MOCOS: variants seen among roughly 807,000 people sequenced by gnomAD.
The protein encoded by MOCOS is human molybdenum cofactor sulfurase.
Under a neutral mutation model 83.6 loss-of-function variants are expected in MOCOS, and 86 were observed. The ratio of observed to expected loss-of-function variants is 1.03; its 90% confidence interval spans 0.86 to 1.23. The LOEUF is 1.23. MOCOS is among the 50% of genes most tolerant of loss of function. The pLI, the probability that MOCOS is intolerant of heterozygous loss-of-function variation, is 0.00. For synonymous variants in MOCOS, 445 were observed against 434.7 expected (o/e 1.02, Z -0.29); for missense variants, 1,120 against 1,126.9 (o/e 0.99, Z 0.09).
Position 36,268,703 on chromosome 18 carries a change from A to C in MOCOS, c.*18A>C, listed in dbSNP as rs56092202. 1 of 445,746 alleles carries C rather than the reference A, an allele frequency of 2.2e-6. No homozygotes were observed. Among genetic ancestry groups the C allele is most frequent in the Non-Finnish European group, 3.7e-6 (1 of 273,506 alleles). The allele number at this position is 445,746 out of a possible 1,614,324, so 27.6% of individuals were successfully genotyped here. A position where few individuals can be genotyped will look rare whatever the true frequency, so the allele number is the denominator to read the frequency against. On this transcript the variant is annotated 3_prime_UTR_variant, in exon 15 of 15. Transcript: ENST00000261326. The stretch of plus-strand genomic sequence containing the variant: ...CCTCCTAAAAAAAATTTTTAGCATA[A>C]AGTTTCTCTTTTACAGTGATCTCTA...
At position 36,204,632 on chromosome 18, in the gene MOCOS, A is replaced by G. The variant is rs574586424; in HGVS notation, c.1019-445A>G. 2.0e-5 allele frequency among the ~76,000 whole-genome samples: 3 copies of G among 152,302 alleles called. No individual in the cohort carries two copies. In the East Asian group the frequency reaches 5.8e-4, roughly 29 times the overall value. On this transcript the variant is annotated intron_variant, in intron 5 of 14. Transcript: ENST00000261326. ...ACAAGGGCAGTACCATCCACTATTT[A>G]CACACATTTAAAATTATTAATGTGA...
In MOCOS at chr18:36,194,055, A is replaced by G. The variant is rs76539119; in HGVS notation, c.143-1202A>G. Among the ~76,000 whole-genome samples, 1,213 of 152,370 alleles carry G rather than the reference A, an allele frequency of 8.0e-3. 8 individuals are homozygous for G. Among genetic ancestry groups the G allele is most frequent in the Non-Finnish European group, 0.012 (817 of 68,030 alleles). ...TCAGACACTAAAGGCCACATATTGT[A>G]TGGTTCCTTTTACATGAAATGTTCA... is the stretch of plus-strand genomic sequence containing the variant. On this transcript the variant is annotated intron_variant, in intron 1 of 14. Transcript: ENST00000261326.
intron 9 of MOCOS, among the ~76,000 whole-genome samples, chr18:36,225,930 C>CT (rs76941554): frequency 0.016 from 2,044 of 130,420 alleles, 37 homozygotes; most frequent in African/African-American, 0.051. Flanking sequence ...AATTCATTGT[C>CT]TTTTTTTTTT....
At chr18:36,243,275 T>A (rs1034337068) in intron 9 of MOCOS, among the ~76,000 whole-genome samples, 1 of 152,280 alleles carries the variant, frequency 6.6e-6, no homozygotes, top group South Asian at 2.1e-4. Flanking sequence ...TTCTTTCTCT[T>A]GTCTGATTGC....
chr18:36,199,996 A>G lies in MOCOS; in HGVS notation c.613A>G (p.Asn205Asp). ...PHLFCYPAQS[N>D]FSGVRYPLSW... ...TCTCTTCTGCTACCCAGCTCAGAGTAACTTTTCTGGAGTCAGATACCCCCT... is the reference window on the plus strand; with the variant it reads ...TCTCTTCTGCTACCCAGCTCAGAGTGACTTTTCTGGAGTCAGATACCCCCT... Residue 205 changes from asparagine (N) to aspartate (D), a missense_variant, in exon 4 of 15, where the codon AAC (asparagine) becomes GAC (aspartate). Coordinates refer to ENST00000261326, the MANE Select transcript of MOCOS (RefSeq NM_017947.4). 1 of 1,614,232 alleles carries G rather than the reference A, an allele frequency of 6.2e-7. No individual in the cohort carries two copies. The highest frequency in any genetic ancestry group is 8.5e-7 in the Non-Finnish European group (1 of 1,180,038).
intron 6 of MOCOS, among the ~76,000 whole-genome samples, chr18:36,207,506 G>A (rs777282569): frequency 6.6e-6 from 1 of 152,028 alleles, no homozygotes. Context: ...GGTGTGAGAT[G>A]GTATCTCATT....
intron 9 of MOCOS, among the ~76,000 whole-genome samples, chr18:36,248,680 T>C (rs1433685219): frequency 6.6e-6 from 1 of 152,216 alleles, no homozygotes; most frequent in Non-Finnish European, 1.5e-5. Context: ...TTTCCCAGCA[T>C]CATTTATTGA....
At chr18:36,244,821 A>G (rs963752555) in intron 9 of MOCOS, among the ~76,000 whole-genome samples, 3 of 152,128 alleles carry the variant, frequency 2.0e-5, no homozygotes, top group African/African-American at 7.2e-5. Flanking sequence ...TTAGGTGTAT[A>G]TAGATTTAGA....
intron 6 of MOCOS, among the ~76,000 whole-genome samples, chr18:36,213,107 G>A (rs763459630): frequency 2.5e-4 from 38 of 152,180 alleles, no homozygotes; most frequent in Non-Finnish European, 4.9e-4. Flanking sequence ...GAGCTGAGGC[G>A]GGGCTGCTCG....
intron 13 of MOCOS, among the ~76,000 whole-genome samples, chr18:36,261,087 C>T (rs2091662173): frequency 6.6e-6 from 1 of 151,932 alleles, no homozygotes; most frequent in Non-Finnish European, 1.5e-5. Flanking sequence ...AGTCAGTGCT[C>T]AATAAGTAAT....
chr18:36,220,053 A>G lies in MOCOS; in HGVS notation c.1798-2A>G. 1.9e-6 allele frequency: 3 copies of G among 1,612,732 alleles called. No individual in the cohort carries two copies. Among genetic ancestry groups the G allele is most frequent in the Non-Finnish European group, 2.5e-6 (3 of 1,180,000 alleles). On this transcript the variant is annotated splice_acceptor_variant, in intron 8 of 14. Coordinates refer to ENST00000261326, the MANE Select transcript of MOCOS (RefSeq NM_017947.4). LOFTEE classifies it high-confidence loss of function. ...CTGAGACACGTCTACCTTTTTGTTT[A>G]GGTGACCAGGTGGCCTGTAGGAAAC...
chr18:36,240,717 G>T (rs1265282850), intron 9 of MOCOS, among the ~76,000 whole-genome samples: 1 of 151,588 alleles, frequency 6.6e-6, no homozygotes, highest in Non-Finnish European at 1.5e-5. Context: ...GCAATGGTGG[G>T]CGCCCCTCCC....
intron 12 of MOCOS, among the ~76,000 whole-genome samples, chr18:36,258,042 T>C (rs2091649354): frequency 6.6e-6 from 1 of 152,210 alleles, no homozygotes; most frequent in African/African-American, 2.4e-5. Flanking sequence ...CAGCCACATG[T>C]TCTCTGGGTA....
In MOCOS at chr18:36,203,208, C is replaced by A. The variant is rs1455269575; in HGVS notation, c.1018+19C>A. 1 of 1,609,658 alleles carries A rather than the reference C, an allele frequency of 6.2e-7. No homozygotes were observed. Among genetic ancestry groups the A allele is most frequent in the Admixed American group, 1.7e-5 (1 of 60,014 alleles). ...CTCACAGGTCAGTGGACATTTCTAT[C>A]CCTGTGGAATTTGCTCCTGTTGTGT... is the stretch of plus-strand genomic sequence containing the variant. On this transcript the variant is annotated intron_variant, in intron 5 of 14. Coordinates refer to ENST00000261326, the MANE Select transcript of MOCOS (RefSeq NM_017947.4).
intron 9 of MOCOS, among the ~76,000 whole-genome samples, chr18:36,242,064 A>T (rs192741285): frequency 6.6e-6 from 1 of 152,204 alleles, no homozygotes; most frequent in African/African-American, 2.4e-5. Flanking sequence ...AGTTTTCCCC[A>T]TTGCTTTGGC....
intron 9 of MOCOS, among the ~76,000 whole-genome samples, chr18:36,220,763 A>G (rs2091493169): frequency 6.6e-6 from 1 of 151,922 alleles, no homozygotes; most frequent in Admixed American, 6.6e-5. Context: ...TCTACTAAAA[A>G]TACAAAAAGA....
chr18:36,214,007 C>T (rs536846352), intron 7 of MOCOS, among the ~76,000 whole-genome samples: 19 of 151,396 alleles, frequency 1.3e-4, no homozygotes, highest in Admixed American at 2.6e-4. Flanking sequence ...TTTGGGAGGC[C>T]GAGGTGGGCG....
At chr18:36,209,204 G>T (rs1360593872) in intron 6 of MOCOS, among the ~76,000 whole-genome samples, 3 of 151,142 alleles carry the variant, frequency 2.0e-5, no homozygotes, top group African/African-American at 7.3e-5. Flanking sequence ...TTGGAGACAA[G>T]GTTTCACTCT....
At chr18:36,257,654 T>A (rs912240453) in intron 12 of MOCOS, among the ~76,000 whole-genome samples, 1 of 152,148 alleles carries the variant, frequency 6.6e-6, no homozygotes, top group African/African-American at 2.4e-5. Context: ...CCTCTCGTTG[T>A]TCTTTAGAGC....
Sources: gnomAD v4.1 joint callset for allele counts (sites outside exome capture counted in the v4.1 genomes callset) on GRCh38, gnomAD v4.1.1 for gene constraint, MANE v1.5 for transcripts, NCBI Gene and HGNC (gene_info 2026-07-23, HGNC 2026-07-21) for gene names.